COL18A1: variants seen among roughly 807,000 people sequenced by gnomAD.
The protein encoded by COL18A1 is collagen alpha-1(XVIII) chain.
In COL18A1, 133 loss-of-function variants were observed where a neutral mutation model predicts 168.0. The observed-to-expected ratio is 0.79, with a 90% CI of 0.69 to 0.91. The LOEUF is 0.91. COL18A1 is among the 40% of genes least tolerant of loss of function. The probability of loss-of-function intolerance (pLI) is 0.00; values close to 1 mark genes in which losing one functional copy is unlikely to be tolerated. For synonymous variants in COL18A1, 949 were observed against 809.0 expected, an observed-to-expected ratio of 1.17 and a Z score of -2.94; for missense variants, 2,126 against 1,925.4, an observed-to-expected ratio of 1.10 and a Z score of -1.95.
chr21:45,489,352 C>G (rs2036219954), intron 18 of COL18A1, 134 bp from the exon 19 acceptor site: 10 of 762,346 alleles, frequency 1.3e-5, no homozygotes, highest in Non-Finnish European at 2.3e-5. Flanking sequence ...TCCCTGGGAC[C>G]CCTCGGCTCT....
intron 2 of COL18A1, among the ~76,000 whole-genome samples, chr21:45,455,081 A>T (rs2034748593): frequency 6.6e-6 from 1 of 152,212 alleles, no homozygotes; most frequent in Non-Finnish European, 1.5e-5. Flanking sequence ...TTCCCACAAC[A>T]CAATGGCTCC....
In COL18A1 at chr21:45,444,591, C is replaced by T. The variant is rs59869801; in HGVS notation, c.107-23651C>T. 1.2e-3 allele frequency among the ~76,000 whole-genome samples: 177 copies of T among 152,112 alleles called. 1 individual carries two copies. The highest frequency in any genetic ancestry group is 4.1e-3 in the African/African-American group (170 of 41,508). Reference sequence around the variant, plus strand: ...CTCGATAAATGCCAGCTGCGAGCACCGGGGGCCAGCACGAGAGCAGCTCTG... The same window carrying T: ...CTCGATAAATGCCAGCTGCGAGCACTGGGGGCCAGCACGAGAGCAGCTCTG... On this transcript the variant is annotated intron_variant, in intron 2 of 41. Transcript: ENST00000651438.
chr21:45,453,926 G>A (rs1310369982), intron 2 of COL18A1, among the ~76,000 whole-genome samples: 1 of 152,188 alleles, frequency 6.6e-6, no homozygotes, highest in Non-Finnish European at 1.5e-5. Flanking sequence ...CAGAGCCTTC[G>A]GGATGGGGCT....
intron 11 of COL18A1, 23 bp downstream of exon 11, chr21:45,480,179 T>G: frequency 7.1e-7 from 1 of 1,407,070 alleles, no homozygotes; most frequent in Non-Finnish European, 1.0e-6. Flanking sequence ...CTTGGCTTCC[T>G]GCGACCCGGG....
intron 2 of COL18A1, among the ~76,000 whole-genome samples, chr21:45,438,386 A>AGACACACAGGCACTCTCCTG (rs2034276267): frequency 6.6e-6 from 1 of 151,488 alleles, no homozygotes; most frequent in African/African-American, 2.4e-5. Flanking sequence ...ACACACACTC[A>AGACACACAGGCACTCTCCTG]CACACTCAGA....
At chr21:45,500,036 C>A (rs2036686538) in intron 32 of COL18A1, among the ~76,000 whole-genome samples, 1 of 152,066 alleles carries the variant, frequency 6.6e-6, no homozygotes, top group Admixed American at 6.5e-5. Flanking sequence ...AACGTGAGGG[C>A]TGGAGAGGTC....
chr21:45,473,946 C>T lies in COL18A1; in HGVS notation c.703C>T (p.His235Tyr), dbSNP rs759233330. Residue 235 changes from histidine to tyrosine, a missense_variant, in exon 4 of 42, where the codon CAC (histidine) becomes TAC (tyrosine). By Grantham distance (83) the His-to-Tyr change is moderately conservative. Transcript: ENST00000651438. The surrounding 1 kb of genome is among the most constrained non-coding windows in gnomAD (Gnocchi z 4.0). ...CAGGGACCCCCAGGTGAGCCCCATG[C>T]ACTGCCTGGACGAGGAAGGCGATGA... The part of the protein sequence containing the change: ...VRRDPQVSPM[H>Y]CLDEEGDDSD... 23 of 1,605,002 alleles carry T rather than the reference C, an allele frequency of 1.4e-5. No homozygotes were observed. In the South Asian group the frequency reaches 1.7e-4, roughly 12 times the overall value.
At chr21:45,496,143 G>A (rs1363902106) in intron 29 of COL18A1, 6 of 397,420 alleles carry the variant, frequency 1.5e-5, no homozygotes, top group Non-Finnish European at 2.9e-5. Context: ...GGGTTCTCCC[G>A]CTCAGCCCAA....
intron 2 of COL18A1, chr21:45,455,651 G>A (rs745484237): frequency 1.6e-4 from 252 of 1,613,770 alleles, no homozygotes; most frequent in Admixed American, 2.0e-4. Flanking sequence ...CACCAGCCAT[G>A]CAGCTACCAC....
intron 2 of COL18A1, among the ~76,000 whole-genome samples, chr21:45,464,483 A>G (rs2035138014): frequency 6.6e-6 from 1 of 152,148 alleles, no homozygotes; most frequent in Non-Finnish European, 1.5e-5. Context: ...GTTTGTGCCA[A>G]TTTGCATATA....
intron 2 of COL18A1, among the ~76,000 whole-genome samples, chr21:45,437,624 GCACACACACTCACACA>G (rs2034193138): frequency 1.9e-4 from 6 of 31,592 alleles, no homozygotes; most frequent in Admixed American, 3.6e-4. Flanking sequence ...GCACTCTCCT[GCACACACACTCACACA>G]GGCACTCTCC....
At chr21:45,482,648 G>T in intron 14 of COL18A1, 147 bp from the exon 15 acceptor site, 1 of 1,207,538 alleles carries the variant, frequency 8.3e-7, no homozygotes, top group Non-Finnish European at 1.2e-6. Context: ...GGATGACAGC[G>T]GCAACAGCCT....
At chr21:45,470,875 G>A (rs1237308482) in intron 3 of COL18A1, among the ~76,000 whole-genome samples, 1 of 152,050 alleles carries the variant, frequency 6.6e-6, no homozygotes, top group African/African-American at 2.4e-5. Flanking sequence ...AGGTCAGAGA[G>A]CTGGAACAGG....
At position 45,509,405 on chromosome 21, in the gene COL18A1, G is replaced by A. The variant is rs2037437920; in HGVS notation, c.3299G>A (p.Ser1100Asn). Reference protein sequence around the residue: ...LQPPVVQLHDSNPYPRREHPH... With the variant: ...LQPPVVQLHDNNPYPRREHPH... ...CCCCCCGTGGTGCAGCTGCACGACA[G>A]CAACCCCTACCCGCGGCGGGAGCAC... is the stretch of plus-strand genomic sequence containing the variant. Residue 1100 changes from serine to asparagine, a missense_variant, in exon 39 of 42, where the codon AGC becomes AAC. Physicochemically the swap from Ser to Asn is conservative, Grantham distance 46 (BLOSUM62 1). Coordinates refer to ENST00000651438, the MANE Select transcript of COL18A1 (RefSeq NM_001379500.1). 6 of 1,542,992 alleles carry A rather than the reference G, an allele frequency of 3.9e-6. No homozygotes were observed. The East Asian group carries it at 1.5e-4, about 38-fold the overall frequency.
At position 45,487,338 on chromosome 21, in the gene COL18A1, C is replaced by T. The variant is rs987666520; in HGVS notation, c.1834-109C>T. 31 of 1,311,964 alleles carry T rather than the reference C, an allele frequency of 2.4e-5. No homozygotes were observed. The African/African-American group carries it at 3.3e-4, about 14-fold the overall frequency. The allele number at this position is 1,311,964 out of a possible 1,614,324, so 81.3% of individuals were successfully genotyped here. A position where few individuals can be genotyped will look rare whatever the true frequency, so the allele number is the denominator to read the frequency against. On this transcript the variant is annotated intron_variant, in intron 16 of 41. Coordinates refer to ENST00000651438, the MANE Select transcript of COL18A1 (RefSeq NM_001379500.1). Reference sequence around the variant, plus strand: ...TGAGAACGGCGGCTCCCCAGGCCACCGTGGCCCCAAAGCATGTCCCACCCT... The same window carrying T: ...TGAGAACGGCGGCTCCCCAGGCCACTGTGGCCCCAAAGCATGTCCCACCCT...
chr21:45,480,249 G>A, intron 11 of COL18A1, 93 bp downstream of exon 11: 1 of 1,136,394 alleles, frequency 8.8e-7, no homozygotes, highest in Non-Finnish European at 1.3e-6. Flanking sequence ...TCCACCCTCA[G>A]GGGCTTGCGT....
Position 45,491,254 on chromosome 21 carries a change from G to A in COL18A1, c.2097G>A (p.Gln699=), listed in dbSNP as rs1184250374. 1.9e-6 allele frequency: 3 copies of A among 1,612,350 alleles called. No individual in the cohort carries two copies. Among genetic ancestry groups the A allele is most frequent in the Non-Finnish European group, 2.5e-6 (3 of 1,179,760 alleles). The change falls in exon 22 of 42, where the codon CAG becomes CAA. Residue 699 remains glutamine (Q), a synonymous_variant. Transcript: ENST00000651438. ...ATCCAGGGAAGGACGGAGTCGGGCA[G>A]CCGGGCCTCCCTGGCCCCCCCGGAC... ...KGDPGKDGVG[Q]PGLPGPPGPP...
chr21:45,431,116 G>C (rs1245299084), intron 2 of COL18A1, among the ~76,000 whole-genome samples: 1 of 152,144 alleles, frequency 6.6e-6, no homozygotes, highest in Non-Finnish European at 1.5e-5. Flanking sequence ...GGAGGAGGTC[G>C]CATTCCATTC....
rs74572465 is a variant in COL18A1, at chr21:45,482,857, C to G, written c.1701+36C>G. 1.9e-4 allele frequency: 308 copies of G among 1,614,090 alleles called. 1 individual carries two copies. The East Asian group carries it at 6.8e-3, about 36-fold the overall frequency. On this transcript the variant is annotated intron_variant, in intron 15 of 41. Transcript: ENST00000651438. Reference sequence around the variant, plus strand: ...AATCCCTGGCACATCAGTCCCCTGCCCCTGGTGCCCACTCAGTGCTCGGAC... The same window carrying G: ...AATCCCTGGCACATCAGTCCCCTGCGCCTGGTGCCCACTCAGTGCTCGGAC...
Sources: allele counts gnomAD v4.1 joint callset (sites outside exome capture counted in the v4.1 genomes callset), GRCh38; gene constraint gnomAD v4.1.1; non-coding constraint Gnocchi (gnomAD v3.1); transcripts MANE v1.5; gene names NCBI Gene and HGNC (gene_info 2026-07-23, HGNC 2026-07-21).